Variants in STAT5A observed in about 807,000 individuals in gnomAD.
The protein encoded by STAT5A is signal transducer and activator of transcription 5A, also known as epididymis secretory sperm binding protein.
In STAT5A, 26 loss-of-function variants were observed where a neutral mutation model predicts 100.2. The ratio of observed to expected loss-of-function variants is 0.26; its 90% confidence interval spans 0.19 to 0.36. The LOEUF is 0.36. Ranked by LOEUF, STAT5A falls within the 10% of genes least tolerant of loss-of-function variation. The pLI, the probability that STAT5A is intolerant of heterozygous loss-of-function variation, is 1.00. For synonymous variants in STAT5A, 330 were observed against 424.3 expected (o/e 0.78, Z 2.73); for missense variants, 634 against 1,027.5 (o/e 0.62, Z 5.24).
chr17:42,291,541 A>AC (rs2080868698), intron 3 of STAT5A, among the ~76,000 whole-genome samples: 1 of 150,946 alleles, frequency 6.6e-6, no homozygotes, highest in Admixed American at 6.6e-5. Flanking sequence ...ACGTGGAGAA[A>AC]CCCCGCCTCT....
At chr17:42,298,371 G>T (rs557505876) in intron 5 of STAT5A, among the ~76,000 whole-genome samples, 3 of 151,770 alleles carry the variant, frequency 2.0e-5, no homozygotes, top group African/African-American at 7.3e-5. Context: ...ATGTTGGCCA[G>T]GCTGGTCTCG....
At position 42,309,104 on chromosome 17, in the gene STAT5A, T is replaced by A. The variant is rs1159302054; in HGVS notation, c.2114+6T>A. Reference sequence around the variant, plus strand: ...ATCAAGCAAGTGGTCCCTGAGTAAGTGTCCAGGTGGCTGTGGCTCTCCTTC... The same window carrying A: ...ATCAAGCAAGTGGTCCCTGAGTAAGAGTCCAGGTGGCTGTGGCTCTCCTTC... On this transcript the variant is annotated splice_donor_region_variant and intron_variant, in intron 17 of 18. Transcript: ENST00000590949. 1.9e-6 allele frequency: 3 copies of A among 1,613,916 alleles called. No homozygotes were observed. In the African/African-American group the frequency reaches 4.0e-5, roughly 22 times the overall value.
intron 4 of STAT5A, among the ~76,000 whole-genome samples, chr17:42,294,680 C>G (rs920297601): frequency 1.3e-5 from 2 of 152,182 alleles, no homozygotes; most frequent in Admixed American, 6.5e-5. Flanking sequence ...TGCAAGGGCC[C>G]CAGGGCAGGA....
intron 9 of STAT5A, among the ~76,000 whole-genome samples, chr17:42,302,788 G>A (rs1016707934): frequency 6.6e-6 from 1 of 151,716 alleles, no homozygotes; most frequent in African/African-American, 2.4e-5. Context: ...ACAAAAATTA[G>A]CCAGGCTTGG....
intron 3 of STAT5A, among the ~76,000 whole-genome samples, chr17:42,290,546 C>G (rs1387010895): frequency 6.6e-6 from 1 of 152,074 alleles, no homozygotes; most frequent in Non-Finnish European, 1.5e-5. Context: ...GACAGTCAAG[C>G]ACTTATTGGA....
intron 15 of STAT5A, 26 bp downstream of exon 15, chr17:42,307,749 C>T: frequency 6.2e-7 from 1 of 1,609,478 alleles, no homozygotes; most frequent in Non-Finnish European, 8.5e-7. Flanking sequence ...GCCCACACTC[C>T]AGCCCCAAGG....
In STAT5A at chr17:42,308,666, G is replaced by A. The variant is rs2081052209; in HGVS notation, c.2062+333G>A. ...TGCTCCGCTCCCCACCTCACCAGCT[G>A]CTCTCCACACCCTGCTCACAAACCT... On this transcript the variant is annotated intron_variant, in intron 16 of 18. Coordinates refer to ENST00000590949, the MANE Select transcript of STAT5A (RefSeq NM_001288718.2). This position sits in a 1 kb window ranked among gnomAD's most constrained non-coding sequence, Gnocchi z 4.6. The A allele has an allele frequency of 4.1e-6, 2 of 486,352 alleles. No individual in the cohort carries two copies. Among genetic ancestry groups the A allele is most frequent in the Non-Finnish European group, 7.5e-6 (2 of 268,166 alleles). 30.1% of individuals were successfully genotyped at this position (486,352 alleles called of 1,614,324 possible). A position where few individuals can be genotyped will look rare whatever the true frequency, so the allele number is the denominator to read the frequency against.
chr17:42,295,590 C>T (rs778385253), intron 4 of STAT5A, 29 bp from the exon 5 acceptor site: 72 of 1,603,632 alleles, frequency 4.5e-5, no homozygotes, highest in Non-Finnish European at 5.4e-5. Flanking sequence ...CTCTCTTCCC[C>T]GAGTTATTTC....
In STAT5A at chr17:42,310,573, C is replaced by T. The variant is rs771233230; in HGVS notation, c.2289C>T (p.His763=). 4.3e-6 allele frequency: 7 copies of T among 1,614,104 alleles called. No homozygotes were observed. The highest frequency in any genetic ancestry group is 2.2e-5 in the East Asian group (1 of 44,896). The change falls in exon 19 of 19, where the codon CAC becomes CAT. Residue 763 remains histidine (H), a synonymous_variant. Coordinates refer to ENST00000590949, the MANE Select transcript of STAT5A (RefSeq NM_001288718.2). ...DLDETMDVAR[H]VEELLRRPMD... is the part of the protein sequence containing the mutation. The stretch of plus-strand genomic sequence containing the variant: ...ATGAGACCATGGATGTGGCCAGGCA[C>T]GTGGAGGAACTCTTACGCCGACCAA...
Position 42,299,125 on chromosome 17 carries a change from T to C in STAT5A, c.551-626T>C, listed in dbSNP as rs2080950073. Among the ~76,000 whole-genome samples, 3 of 152,180 alleles carry C rather than the reference T, an allele frequency of 2.0e-5. No homozygotes were observed. The South Asian group carries it at 6.2e-4, about 31-fold the overall frequency. ...CAGAGCCGCCGGGGCTGGGGTTCCC[T>C]GAAGAGGCCTTGCTGCGGGAGGGAT... On this transcript the variant is annotated intron_variant, in intron 5 of 18. Transcript: ENST00000590949.
At chr17:42,297,768 C>T (rs953854532) in intron 5 of STAT5A, among the ~76,000 whole-genome samples, 11 of 152,070 alleles carry the variant, frequency 7.2e-5, no homozygotes, top group East Asian at 3.9e-4. Context: ...TCTTCCTGCT[C>T]GATACCTGCA....
chr17:42,299,218 C>T (rs1333270161), intron 5 of STAT5A, among the ~76,000 whole-genome samples: 1 of 152,324 alleles, frequency 6.6e-6, no homozygotes, highest in Admixed American at 6.5e-5. Context: ...CCAAGAAGCA[C>T]GAACCTCACA....
chr17:42,310,608 T>TCC lies in STAT5A; in HGVS notation c.2324_2325insCC (p.Asp776LeufsTer41). 6.2e-7 allele frequency: 1 copy of TCC among 1,614,202 alleles called. No individual in the cohort carries two copies. The highest frequency in any genetic ancestry group is 1.1e-5 in the South Asian group (1 of 91,090). ...CTCTTACGCCGACCAATGGACAGTC[T>TCC]TGACTCCCGCCTCTCGCCCCCTGCC... On this transcript the variant is annotated frameshift_variant, in exon 19 of 19. Transcript: ENST00000590949. LOFTEE classifies it low-confidence loss of function (END_TRUNC).
intron 5 of STAT5A, 92 bp downstream of exon 5, chr17:42,295,885 C>G (rs543513111): frequency 6.5e-7 from 1 of 1,537,046 alleles, no homozygotes; most frequent in East Asian, 2.4e-5. Flanking sequence ...CAGTGTCCAT[C>G]TCCTCAGCAC....
At position 42,304,538 on chromosome 17, in the gene STAT5A, G is replaced by A. The variant is rs776066092; in HGVS notation, c.1266G>A (p.Lys422=). 8.1e-6 allele frequency: 13 copies of A among 1,614,144 alleles called. No homozygotes were observed. In the Admixed American group the frequency reaches 2.0e-4, roughly 25 times the overall value. The change falls in exon 11 of 19, where the codon AAG becomes AAA. Residue 422 remains lysine, a synonymous_variant. Transcript: ENST00000590949. The surrounding 1 kb of genome is among the most constrained non-coding windows in gnomAD (Gnocchi z 4.8). ...LSAHFRNMSL[K]RIKRADRRGA... is the part of the protein sequence containing the mutation. ...CACCTCCCACCCTGCAGTCACTGAA[G>A]AGGATCAAGCGTGCTGACCGGCGGG...
rs2081073153 is a variant in STAT5A at position 42,310,754 on chromosome 17, A to T, written c.*85A>T. On this transcript the variant is annotated 3_prime_UTR_variant, in exon 19 of 19. Coordinates refer to ENST00000590949, the MANE Select transcript of STAT5A (RefSeq NM_001288718.2). ...GAGTTTAGTAAGGCTGTGTACACTGACACCTTTGCAGGCATGCATGTGCTT... is the reference window on the plus strand; with the variant it reads ...GAGTTTAGTAAGGCTGTGTACACTGTCACCTTTGCAGGCATGCATGTGCTT... 2 of 1,580,214 alleles carry T rather than the reference A, an allele frequency of 1.3e-6. No homozygotes were observed. Among genetic ancestry groups the T allele is most frequent in the African/African-American group, 1.4e-5 (1 of 74,050 alleles).
intron 5 of STAT5A, among the ~76,000 whole-genome samples, chr17:42,298,643 TTG>T (rs1387048969): frequency 2.6e-5 from 4 of 151,988 alleles, no homozygotes; most frequent in African/African-American, 4.8e-5. Flanking sequence ...GGCTAATTTT[TTG>T]TGTTTTTAGT....
chr17:42,294,274 T>TG (rs2080898460), intron 4 of STAT5A, among the ~76,000 whole-genome samples: 1 of 151,700 alleles, frequency 6.6e-6, no homozygotes, highest in African/African-American at 2.4e-5. Flanking sequence ...GCACAGCCCC[T>TG]GTGTCCCTGA....
chr17:42,295,350 G>A (rs1006898078), intron 4 of STAT5A, among the ~76,000 whole-genome samples: 2 of 152,162 alleles, frequency 1.3e-5, no homozygotes, highest in East Asian at 1.9e-4. Flanking sequence ...GTGGAGGGCA[G>A]CTCTGACATA....
Sources: gnomAD v4.1 joint callset for allele counts (sites outside exome capture counted in the v4.1 genomes callset) on GRCh38, gnomAD v4.1.1 for gene constraint, Gnocchi (gnomAD v3.1) non-coding constraint, MANE v1.5 for transcripts, NCBI Gene and HGNC (gene_info 2026-07-23, HGNC 2026-07-21) for gene names.